LMO2: variants seen among roughly 807,000 people sequenced by gnomAD.
LMO2 encodes rhombotin-2.
In LMO2, 20 loss-of-function variants were observed where a neutral mutation model predicts 23.2. The ratio of observed to expected loss-of-function variants is 0.86; its 90% CI spans 0.61 to 1.25. The LOEUF is 1.25. Ranked by LOEUF, LMO2 falls within the 50% of genes most tolerant of loss-of-function variation. The pLI, the probability that LMO2 is intolerant of heterozygous loss-of-function variation, is 0.00. For missense variants in LMO2, 270 were observed against 315.3 expected, an observed-to-expected ratio of 0.86 and a Z score of 1.09; for synonymous variants, 123 against 130.2, an observed-to-expected ratio of 0.94 and a Z score of 0.38.
At position 33,859,338 on chromosome 11, in the gene LMO2, A is replaced by G. The variant is rs529572513; in HGVS notation, c.*18T>C. The G allele has an allele frequency of 6.9e-6, 11 of 1,591,350 alleles. No individual in the cohort carries two copies. In the African/African-American group the frequency reaches 1.5e-4, roughly 21 times the overall value. ...GTCTTCAGTGAACACCTCCCCAAAG[A>G]TGCCCGGGGACTCGGGCCTATATCA... On this transcript the variant is annotated 3_prime_UTR_variant, in exon 6 of 6. Transcript: ENST00000257818.
At chr11:33,881,344 C>G in intron 2 of LMO2, 1 of 456,738 alleles carries the variant, frequency 2.2e-6, no homozygotes, top group Non-Finnish European at 4.4e-6. Context: ...CTGGAAATAT[C>G]TTTTATCTGG....
intron 2 of LMO2, among the ~76,000 whole-genome samples, chr11:33,871,567 C>CAA (rs58212820): frequency 0.065 from 3,407 of 52,360 alleles, 242 homozygotes; most frequent in African/African-American, 0.098. Flanking sequence ...GACCCTGTCT[C>CAA]AAAAAAAAAA....
chr11:33,862,340 G>C (rs1425797469), intron 5 of LMO2, among the ~76,000 whole-genome samples: 1 of 152,204 alleles, frequency 6.6e-6, no homozygotes, highest in Non-Finnish European at 1.5e-5. Context: ...GGCTCTAACA[G>C]ATTCAGGTGC....
chr11:33,880,556 G>A lies in LMO2; in HGVS notation c.-272+1268C>T, dbSNP rs1443754067. 1 of 152,108 alleles carries A rather than the reference G, an allele frequency of 6.6e-6. No individual in the cohort carries two copies. Among genetic ancestry groups the A allele is most frequent in the Non-Finnish European group, 1.5e-5 (1 of 68,056 alleles). The allele number at this position is 152,108 out of a possible 1,614,324, so 9.4% of individuals were successfully genotyped here. On this transcript the variant is annotated intron_variant, in intron 2 of 5. Coordinates refer to ENST00000257818, the MANE Select transcript of LMO2 (RefSeq NM_005574.4). The surrounding 1 kb of genome is among the most constrained non-coding windows in gnomAD (Gnocchi z 4.3). ...GTTTAATGGACAAAACATTTCAGTT[G>A]GAAAACATTAAAAAGTTCTAGAGCT...
intron 1 of LMO2, among the ~76,000 whole-genome samples, chr11:33,882,906 C>G (rs1807546395): frequency 6.6e-6 from 1 of 152,170 alleles, no homozygotes; most frequent in African/African-American, 2.4e-5. Flanking sequence ...GCCAGTGTTT[C>G]CCAAATTTCC....
intron 2 of LMO2, among the ~76,000 whole-genome samples, chr11:33,877,871 C>CAAAAAAAAAA (rs3837371): frequency 6.7e-6 from 1 of 150,016 alleles, no homozygotes; most frequent in Non-Finnish European, 1.5e-5. Context: ...TATCCTTTGG[C>CAAAAAAAAAA]AAAAAAAAAC....
At position 33,859,550 on chromosome 11, in the gene LMO2, C is replaced by G; in HGVS notation, c.490G>C (p.Ala164Pro). 6.2e-7 allele frequency: 1 copy of G among 1,613,828 alleles called. No homozygotes were observed. The highest frequency in any genetic ancestry group is 1.7e-5 in the Admixed American group (1 of 59,992). The change falls in exon 6 of 6, where the codon GCA (alanine) becomes CCA (proline). Residue 164 changes from alanine (A) to proline (P), a missense_variant. This residue lies in a region of LMO2 where 100 missense variants were observed against 153.3 expected (regional missense o/e 0.65). Coordinates refer to ENST00000257818, the MANE Select transcript of LMO2 (RefSeq NM_005574.4). ...GCACGAATCCGCTTGTCACAGGATG[C>G]GCAGAGACCGTCTTGCCCAAAAAGC... ...LRLFGQDGLC[A>P]SCDKRIRAYE...
In LMO2 at chr11:33,859,430, ATC is replaced by A; in HGVS notation, c.608_609del (p.Arg203IlefsTer7). 3 of 1,614,154 alleles carry A rather than the reference ATC, an allele frequency of 1.9e-6. No homozygotes were observed. Among genetic ancestry groups the A allele is most frequent in the South Asian group, 1.1e-5 (1 of 91,084 alleles). On this transcript the variant is annotated frameshift_variant, in exon 6 of 6. Transcript: ENST00000257818. LOFTEE classifies it high-confidence loss of function. ...ACQKHFCVGD[R>X]YLLINSDIVC... ...ACTATGTCAGAGTTGATGAGGAGGT[ATC>A]TGTCACCTACACAGAAATGCTTCTG... is the stretch of plus-strand genomic sequence containing the variant.
At chr11:33,866,684 T>A (rs1856797709) in intron 4 of LMO2, among the ~76,000 whole-genome samples, 1 of 152,184 alleles carries the variant, frequency 6.6e-6, no homozygotes, top group African/African-American at 2.4e-5. Context: ...TCACTCTTAT[T>A]GCCCAGGCTG....
At chr11:33,882,843 G>A (rs10836125) in intron 1 of LMO2, among the ~76,000 whole-genome samples, 24,288 of 152,072 alleles carry the variant, frequency 0.16, 2,337 homozygotes, top group South Asian at 0.31. Context: ...ATAAATGTAG[G>A]AGACGGAATT....
At position 33,864,794 on chromosome 11, in the gene LMO2, T is replaced by G. The variant is rs1313935803; in HGVS notation, c.272A>C (p.Gln91Pro). Residue 91 changes from glutamine to proline, a missense_variant, in exon 5 of 6, where the codon CAG (glutamine) becomes CCG (proline). Transcript: ENST00000257818. The surrounding 1 kb of genome is among the most constrained non-coding windows in gnomAD (Gnocchi z 4.8). The part of the protein sequence containing the change: ...PSEEPVDEVL[Q>P]IPPSLLTCGG... ...GCATGTCAGCAGGGATGGGGGGATCTGCAGCACCTCATCCACTGGTTCCCT... is the reference window on the plus strand; with the variant it reads ...GCATGTCAGCAGGGATGGGGGGATCGGCAGCACCTCATCCACTGGTTCCCT... 1 of 1,613,798 alleles carries G rather than the reference T, an allele frequency of 6.2e-7. No individual in the cohort carries two copies. The highest frequency in any genetic ancestry group is 1.3e-5 in the African/African-American group (1 of 75,038).
Position 33,869,503 on chromosome 11 carries a change from C to G in LMO2, c.91G>C (p.Asp31His), listed in dbSNP as rs891057790. The change falls in exon 4 of 6, where the codon GAC (aspartate) becomes CAC (histidine). Residue 31 changes from aspartate to histidine, a missense_variant. By Grantham distance (81) the Asp-to-His change is moderately conservative. This residue lies in a region of LMO2 where 170 missense variants were observed against 162.0 expected (regional missense o/e 1.05). Coordinates refer to ENST00000257818, the MANE Select transcript of LMO2 (RefSeq NM_005574.4). The part of the protein sequence containing the change: ...RSKRRRRSGG[D>H]GGGGGGARAP... The stretch of plus-strand genomic sequence containing the variant: ...CGGGCGCCGCCGCCGCCGCCGCCGT[C>G]GCCGCCGCTCCTGCGCCTCCGCTTG... The G allele has an allele frequency of 2.5e-6, 3 of 1,204,742 alleles. No homozygotes were observed. Among genetic ancestry groups the G allele is most frequent in the Non-Finnish European group, 3.1e-6 (3 of 966,250 alleles). 74.6% of individuals were successfully genotyped at this position (1,204,742 alleles called of 1,614,324 possible). A position where few individuals can be genotyped will look rare whatever the true frequency, so the allele number is the denominator to read the frequency against.
intron 1 of LMO2, among the ~76,000 whole-genome samples, chr11:33,882,340 T>C (rs903779323): frequency 6.6e-6 from 1 of 152,192 alleles, no homozygotes; most frequent in Non-Finnish European, 1.5e-5. Context: ...GCAAATCTCT[T>C]ATCCCTCTGA....
intron 2 of LMO2, among the ~76,000 whole-genome samples, chr11:33,872,165 C>A (rs1028740820): frequency 6.6e-6 from 1 of 152,156 alleles, no homozygotes; most frequent in African/African-American, 2.4e-5. Context: ...GTGGCACATG[C>A]CTGTAACCCC....
intron 4 of LMO2, among the ~76,000 whole-genome samples, chr11:33,867,376 T>C (rs1856826562): frequency 6.6e-6 from 1 of 152,126 alleles, no homozygotes; most frequent in African/African-American, 2.4e-5. Context: ...TGGCCTGAGA[T>C]GAGATGGAGA....
chr11:33,866,713 T>C (rs1856798911), intron 4 of LMO2, among the ~76,000 whole-genome samples: 1 of 152,186 alleles, frequency 6.6e-6, no homozygotes, highest in Non-Finnish European at 1.5e-5. Flanking sequence ...TGGCACAATC[T>C]CGGCTCACTG....
rs1565034771 is a variant in LMO2, at chr11:33,880,273, C to CATATATATCATACATACAT, written c.-272+1550_-272+1551insATGTATGTATGATATATAT. Among the ~76,000 whole-genome samples, 27 of 113,360 alleles carry CATATATATCATACATACAT rather than the reference C, an allele frequency of 2.4e-4. No homozygotes were observed. Among genetic ancestry groups the CATATATATCATACATACAT allele is most frequent in the African/African-American group, 9.2e-4 (24 of 26,028 alleles). 74.4% of individuals were successfully genotyped at this position (113,360 alleles called of 152,430 possible). A position where few individuals can be genotyped will look rare whatever the true frequency, so the allele number is the denominator to read the frequency against. On this transcript the variant is annotated intron_variant, in intron 2 of 5. Transcript: ENST00000257818. The surrounding 1 kb of genome is among the most constrained non-coding windows in gnomAD (Gnocchi z 4.3). The stretch of plus-strand genomic sequence containing the variant: ...ACATGATATATATATCATACATACA[C>CATATATATCATACATACAT]ATGATATATATCATATATATCATAT...
chr11:33,860,875 C>T (rs1336414833), intron 5 of LMO2, among the ~76,000 whole-genome samples: 2 of 152,190 alleles, frequency 1.3e-5, no homozygotes, highest in Non-Finnish European at 2.9e-5. Flanking sequence ...GCAGTCTGTG[C>T]GTTAATGAAC....
chr11:33,859,612 A>AAGGGACAATCCTGG (rs746571028), intron 5 of LMO2, 37 bp from the exon 6 acceptor site: 1 of 1,593,490 alleles, frequency 6.3e-7, no homozygotes, highest in South Asian at 1.1e-5. Context: ...AAGACAGTGA[A>AAGGGACAATCCTGG]AGGGACAATC....
Sources: allele counts gnomAD v4.1 joint callset (sites outside exome capture counted in the v4.1 genomes callset), GRCh38; gene constraint gnomAD v4.1.1; regional missense constraint gnomAD v4.1.1; non-coding constraint Gnocchi (gnomAD v3.1); transcripts MANE v1.5; gene names NCBI Gene and HGNC (gene_info 2026-07-23, HGNC 2026-07-21).